GDAP1: variants seen among roughly 807,000 people sequenced by gnomAD.
GDAP1 encodes the protein ganglioside induced differentiation associated protein 1.
In GDAP1, 34 loss-of-function variants were observed where a neutral mutation model predicts 40.1. The ratio of observed to expected loss-of-function variants is 0.85; its 90% confidence interval spans 0.64 to 1.13. The LOEUF (loss-of-function observed/expected upper bound fraction) is 1.13, where lower values mean the gene tolerates loss of function less well. Among genes scored for constraint, GDAP1 ranks in the 50% most tolerant of loss-of-function variants. The probability of loss-of-function intolerance (pLI) is 0.00; values close to 1 mark genes in which losing one functional copy is unlikely to be tolerated. For missense variants in GDAP1, 374 were observed against 433.7 expected (o/e 0.86, Z 1.22); for synonymous variants, 170 against 157.4 (o/e 1.08, Z -0.60).
At position 74,365,368 on chromosome 8, in the gene GDAP1, T is replaced by G. The variant is rs1272943958; in HGVS notation, c.*1001T>G. On this transcript the variant is annotated 3_prime_UTR_variant, in exon 6 of 6. Coordinates refer to ENST00000220822, the MANE Select transcript of GDAP1 (RefSeq NM_018972.4). ...GAAGATGAATTAAATGGGTAGATAG[T>G]GATGCATACCTGTATTCACTGATGT... The G allele has an allele frequency of 6.6e-6, 3 of 453,964 alleles. No homozygotes were observed. Among genetic ancestry groups the G allele is most frequent in the South Asian group, 4.7e-5 (3 of 64,464 alleles). 28.1% of individuals were successfully genotyped at this position (453,964 alleles called of 1,614,324 possible).
intron 2 of GDAP1, among the ~76,000 whole-genome samples, chr8:74,426,638 G>A (rs1316447942): frequency 6.6e-6 from 1 of 152,192 alleles, no homozygotes; most frequent in East Asian, 1.9e-4. Context: ...AAATGATAAT[G>A]TCTCTTAGAT....
intron 2 of GDAP1, among the ~76,000 whole-genome samples, chr8:74,445,810 A>G (rs1274865114): frequency 1.3e-5 from 2 of 152,216 alleles, no homozygotes; most frequent in African/African-American, 4.8e-5. Flanking sequence ...AAATTAAAAT[A>G]TAGTCACTGC....
rs762796139 is a variant in GDAP1, at chr8:74,366,199, G to C, written c.*1832G>C. On this transcript the variant is annotated 3_prime_UTR_variant, in exon 6 of 6. Transcript: ENST00000220822. ...CCTTGTACAGTTTCTTTGGAAATAC[G>C]TTAAAGATAGTGGCAATTTCATATA... is the stretch of plus-strand genomic sequence containing the variant. 2.2e-6 allele frequency: 1 copy of C among 454,040 alleles called. No individual in the cohort carries two copies. Among genetic ancestry groups the C allele is most frequent in the Admixed American group, 2.4e-5 (1 of 42,512 alleles). The allele number at this position is 454,040 out of a possible 1,614,324, so 28.1% of individuals were successfully genotyped here. A position where few individuals can be genotyped will look rare whatever the true frequency, so the allele number is the denominator to read the frequency against.
chr8:74,432,153 G>A (rs1368428787), intron 2 of GDAP1, among the ~76,000 whole-genome samples: 1 of 152,082 alleles, frequency 6.6e-6, no homozygotes, highest in African/African-American at 2.4e-5. Flanking sequence ...ACTATTGGTG[G>A]CCATTTTTCC....
chr8:74,393,149 G>T (rs934742352), intron 2 of GDAP1, among the ~76,000 whole-genome samples: 4 of 152,048 alleles, frequency 2.6e-5, no homozygotes, highest in African/African-American at 9.7e-5. Flanking sequence ...ATAACAATGA[G>T]AATTTATTAT....
intron 2 of GDAP1, among the ~76,000 whole-genome samples, chr8:74,448,309 G>A (rs1806258003): frequency 6.6e-6 from 1 of 152,000 alleles, no homozygotes; most frequent in African/African-American, 2.4e-5. Flanking sequence ...TGCTCATGTT[G>A]TTGTGTGTTT....
At chr8:74,425,541 A>G (rs1029660350) in intron 2 of GDAP1, among the ~76,000 whole-genome samples, 1 of 152,214 alleles carries the variant, frequency 6.6e-6, no homozygotes, top group Non-Finnish European at 1.5e-5. Flanking sequence ...CCCTTATCTG[A>G]TGAAAAGACT....
chr8:74,480,130 A>G (rs1404843931), intron 2 of GDAP1, among the ~76,000 whole-genome samples: 4 of 151,788 alleles, frequency 2.6e-5, no homozygotes, highest in African/African-American at 9.7e-5. Context: ...CTGGGATTAT[A>G]GGCGCATGCC....
At chr8:74,391,414 G>C (rs1355042420) in intron 2 of GDAP1, among the ~76,000 whole-genome samples, 1 of 151,898 alleles carries the variant, frequency 6.6e-6, no homozygotes, top group Non-Finnish European at 1.5e-5. Flanking sequence ...GTCCCTCACA[G>C]CTTCCCTTGG....
At chr8:74,450,087 G>T (rs199543779) in intron 2 of GDAP1, among the ~76,000 whole-genome samples, 29 of 148,842 alleles carry the variant, frequency 1.9e-4, no homozygotes, top group African/African-American at 5.4e-4. Flanking sequence ...TATTTCCTTT[G>T]GTTTTTTTTT....
intron 2 of GDAP1, among the ~76,000 whole-genome samples, chr8:74,359,809 A>C (rs1809268825): frequency 6.6e-6 from 1 of 152,236 alleles, no homozygotes; most frequent in Admixed American, 6.5e-5. Flanking sequence ...AAGAAGGCAC[A>C]TGTGAGCCAG....
At chr8:74,356,676 GTGTGTGTGTGTGTGTT>G (rs1368565668) in intron 2 of GDAP1, among the ~76,000 whole-genome samples, 1 of 138,672 alleles carries the variant, frequency 7.2e-6, no homozygotes, top group Non-Finnish European at 1.6e-5. Context: ...GTGTGTGTGT[GTGTGTGTGTGTGTGTT>G]TGTGTGTGTG....
At chr8:74,397,166 G>A (rs1810214842) in intron 2 of GDAP1, among the ~76,000 whole-genome samples, 1 of 149,476 alleles carries the variant, frequency 6.7e-6, no homozygotes, top group East Asian at 2.0e-4. Context: ...CTTGAGAAGT[G>A]TCTGTTCATG....
intron 2 of GDAP1, among the ~76,000 whole-genome samples, chr8:74,351,815 A>G (rs776797601): frequency 9.9e-5 from 15 of 152,230 alleles, no homozygotes; most frequent in South Asian, 6.2e-4. Flanking sequence ...ATTTCATCTA[A>G]TATACCAAAT....
chr8:74,379,148 G>GATAGTGTACATGAGGAAAGGGT (rs1563451986), intron 2 of GDAP1, among the ~76,000 whole-genome samples: 1 of 151,978 alleles, frequency 6.6e-6, no homozygotes, highest in Non-Finnish European at 1.5e-5. Context: ...TTCAGGGTCC[G>GATAGTGTACATGAGGAAAGGGT]ACTCAGGCTT....
At position 74,385,104 on chromosome 8, in the gene GDAP1, T is replaced by C. The variant is rs145099595; in HGVS notation, c.165+33783T>C. On this transcript the variant is annotated intron_variant, in intron 2 of 2. Coordinates refer to the GDAP1 transcript ENST00000523640. ...TTTTTAAAGATCATGGTACATCTTC[T>C]GCGGTAGGAATTAGATATTACCAAA... Among the ~76,000 whole-genome samples the C allele has an allele frequency of 6.0e-4, 91 of 152,320 alleles. 1 individual carries two copies. In the East Asian group the frequency reaches 0.017, roughly 29 times the overall value.
At chr8:74,381,762 A>T (rs79026129) in intron 2 of GDAP1, among the ~76,000 whole-genome samples, 2 of 2,368 alleles carry the variant, frequency 8.4e-4, no homozygotes, top group African/African-American at 1.2e-3. Flanking sequence ...TCTCAAATTA[A>T]AAAAAAAAAA....
chr8:74,459,565 G>A (rs370260865), intron 2 of GDAP1, among the ~76,000 whole-genome samples: 2 of 152,156 alleles, frequency 1.3e-5, no homozygotes, highest in Admixed American at 6.5e-5. Context: ...TGAAGTCAGG[G>A]TGAATCAGGG....
intron 2 of GDAP1, among the ~76,000 whole-genome samples, chr8:74,467,471 G>C (rs1430716441): frequency 1.3e-5 from 2 of 152,178 alleles, no homozygotes; most frequent in Non-Finnish European, 2.9e-5. Flanking sequence ...TTATTTGAGA[G>C]AGAGAGTATA....
Sources: allele counts gnomAD v4.1 joint callset (sites outside exome capture counted in the v4.1 genomes callset), GRCh38; gene constraint gnomAD v4.1.1; transcripts MANE v1.5; gene names NCBI Gene and HGNC (gene_info 2026-07-23, HGNC 2026-07-21).